FGD6: variants seen among roughly 807,000 people sequenced by gnomAD.
FGD6 encodes FYVE, RhoGEF and PH domain containing 6, also known as FYVE, RhoGEF and PH domain-containing protein 6.
FGD6 carries 90 observed loss-of-function variants against 149.4 expected under a neutral mutation model. The observed-to-expected ratio is 0.60, with a 90% CI of 0.51 to 0.72. The LOEUF is 0.72. Ranked by LOEUF, FGD6 falls within the 30% of genes least tolerant of loss-of-function variation. The pLI is 0.00. For missense variants in FGD6, 1,437 were observed against 1,684.8 expected (o/e 0.85, Z 2.57); for synonymous variants, 527 against 584.0 (o/e 0.90, Z 1.41).
At chr12:95,135,355 C>T (rs1193502287) in intron 7 of FGD6, among the ~76,000 whole-genome samples, 1 of 152,196 alleles carries the variant, frequency 6.6e-6, no homozygotes, top group East Asian at 1.9e-4. Context: ...TGCTAAGTAT[C>T]CCTTCTTTAA....
intron 9 of FGD6, among the ~76,000 whole-genome samples, chr12:95,110,794 A>G (rs1352580855): frequency 6.6e-6 from 1 of 152,082 alleles, no homozygotes; most frequent in Non-Finnish European, 1.5e-5. Context: ...TGGATGACAA[A>G]GCTGCTGCTG....
rs1877574482 is a variant in FGD6 at position 95,078,738 on chromosome 12, C to T, written c.*2782G>A. ...TCTTAGGACTCTGATGGGTCCTGTA[C>T]ATTTATAGCTGCCACAGATAAAGGT... is the stretch of plus-strand genomic sequence containing the variant. On this transcript the variant is annotated 3_prime_UTR_variant, in exon 21 of 21. Transcript: ENST00000343958. 6.6e-6 allele frequency: 1 copy of T among 152,196 alleles called. No individual in the cohort carries two copies. The allele number at this position is 152,196 out of a possible 1,614,324, so 9.4% of individuals were successfully genotyped here.
chr12:95,180,443 G>A (rs923862763), intron 2 of FGD6, among the ~76,000 whole-genome samples: 3 of 148,640 alleles, frequency 2.0e-5, no homozygotes, highest in Non-Finnish European at 4.4e-5. Context: ...ACCCAGGTTA[G>A]AGTGCAGTGG....
chr12:95,137,773 T>C, intron 6 of FGD6, 95 bp from the exon 7 acceptor site: 1 of 796,646 alleles, frequency 1.3e-6, no homozygotes, highest in Non-Finnish European at 1.8e-6. Flanking sequence ...CGCCAACTTA[T>C]CTTTTTTTCT....
chr12:95,128,965 C>G (rs1565903349), intron 8 of FGD6, among the ~76,000 whole-genome samples: 1 of 152,134 alleles, frequency 6.6e-6, no homozygotes, highest in Non-Finnish European at 1.5e-5. Context: ...TTCAACTTTT[C>G]TAATAAACAG....
rs1479079952 is a variant in FGD6 at position 95,149,847 on chromosome 12, T to C, written c.2685+2964A>G. On this transcript the variant is annotated intron_variant, in intron 5 of 20. Transcript: ENST00000343958. The stretch of plus-strand genomic sequence containing the variant: ...TATATATAATATATAGTACATATAC[T>C]ATATAAAATATGTATAATATATAAT... Among the ~76,000 whole-genome samples, 5 of 146,550 alleles carry C rather than the reference T, an allele frequency of 3.4e-5. 1 individual carries two copies. The Admixed American group carries it at 3.5e-4, about 10-fold the overall frequency.
chr12:95,101,301 C>T lies in FGD6; in HGVS notation c.3497+3706G>A, dbSNP rs551528950. ...GGTGGAGGTTGCAGTGAGCCAAGAT[C>T]GCGTCACTGCACTCCTGGGCAACAG... On this transcript the variant is annotated intron_variant, in intron 14 of 20. Coordinates refer to ENST00000343958, the MANE Select transcript of FGD6 (RefSeq NM_018351.4). Among the ~76,000 whole-genome samples, 25 of 152,098 alleles carry T rather than the reference C, an allele frequency of 1.6e-4. No individual in the cohort carries two copies. In the South Asian group the frequency reaches 3.5e-3, roughly 22 times the overall value.
chr12:95,191,232 A>T (rs930721594), intron 2 of FGD6, among the ~76,000 whole-genome samples: 7 of 152,232 alleles, frequency 4.6e-5, no homozygotes, highest in Non-Finnish European at 1.0e-4. Context: ...GACTGGTGGA[A>T]TGGAGTGCTT....
At chr12:95,092,675 G>A in intron 16 of FGD6, 24 bp downstream of exon 16, 1 of 1,612,480 alleles carries the variant, frequency 6.2e-7, no homozygotes, top group Non-Finnish European at 8.5e-7. Flanking sequence ...GACCACAATG[G>A]AGATGGGTGT....
intron 2 of FGD6, among the ~76,000 whole-genome samples, chr12:95,199,896 T>C (rs1881828328): frequency 6.6e-6 from 1 of 152,168 alleles, no homozygotes. Context: ...GCTACATTTC[T>C]ACACTGAAAT....
At chr12:95,156,185 G>A (rs1179652592) in intron 3 of FGD6, among the ~76,000 whole-genome samples, 1 of 152,164 alleles carries the variant, frequency 6.6e-6, no homozygotes, top group African/African-American at 2.4e-5. Context: ...CAATGTTCAG[G>A]GAACAAGAGA....
chr12:95,117,632 G>T (rs1412563453), intron 8 of FGD6, among the ~76,000 whole-genome samples: 1 of 152,148 alleles, frequency 6.6e-6, no homozygotes, highest in Non-Finnish European at 1.5e-5. Flanking sequence ...TCACTATGTT[G>T]CCCAGGCTGG....
In FGD6 at chr12:95,207,292, G is replaced by C. The variant is rs1457506855; in HGVS notation, c.2441+1551C>G. 4.6e-5 allele frequency among the ~76,000 whole-genome samples: 7 copies of C among 152,234 alleles called. No individual in the cohort carries two copies. The East Asian group carries it at 1.4e-3, about 29-fold the overall frequency. On this transcript the variant is annotated intron_variant, in intron 2 of 20. Coordinates refer to ENST00000343958, the MANE Select transcript of FGD6 (RefSeq NM_018351.4). ...CTTCCGCCATGATTGTAAGTTTCCT[G>C]AGGCCTCCCCAGCCATGCTGAACTG...
At chr12:95,142,619 C>T (rs1879885288) in intron 5 of FGD6, among the ~76,000 whole-genome samples, 1 of 152,190 alleles carries the variant, frequency 6.6e-6, no homozygotes, top group African/African-American at 2.4e-5. Context: ...CAAGCCTTTG[C>T]TCCTTATTTA....
intron 2 of FGD6, among the ~76,000 whole-genome samples, chr12:95,193,489 C>T (rs984404601): frequency 3.3e-5 from 5 of 151,188 alleles, no homozygotes; most frequent in Middle Eastern, 3.4e-3. Flanking sequence ...TCCTGAGTAG[C>T]TGGAATTACA....
At chr12:95,130,251 TA>T (rs1233821932) in intron 8 of FGD6, among the ~76,000 whole-genome samples, 1 of 152,186 alleles carries the variant, frequency 6.6e-6, no homozygotes, top group East Asian at 1.9e-4. Context: ...TGATCTTTTC[TA>T]AAAGGATTCC....
At chr12:95,193,570 C>T (rs1881654240) in intron 2 of FGD6, among the ~76,000 whole-genome samples, 1 of 151,202 alleles carries the variant, frequency 6.6e-6, no homozygotes, top group Non-Finnish European at 1.5e-5. Context: ...ACTCTGTTGC[C>T]CAGGCTGGAG....
chr12:95,207,260 G>C (rs766809023), intron 2 of FGD6, among the ~76,000 whole-genome samples: 1 of 152,150 alleles, frequency 6.6e-6, no homozygotes, highest in African/African-American at 2.4e-5. Context: ...GGATGTGTTT[G>C]CTTCCTCTTC....
rs753787826 is a variant in FGD6 at position 95,208,911 on chromosome 12, A to G, written c.2373T>C (p.Tyr791=). 4.3e-6 allele frequency: 7 copies of G among 1,613,942 alleles called. No homozygotes were observed. The African/African-American group carries it at 5.3e-5, about 12-fold the overall frequency. ...GAGCTTCATACGGCTCTTCTACCTC[A>G]TACACATTTGCATCAGCGTCCTCCA... is the stretch of plus-strand genomic sequence containing the variant. The part of the protein sequence containing the change: ...SSMEDADANV[Y]EVEEPYEAPD... The change falls in exon 2 of 21, where the codon TAT becomes TAC. Residue 791 remains tyrosine (Y), a synonymous_variant. Transcript: ENST00000343958.
Sources: gnomAD v4.1 joint callset for allele counts (sites outside exome capture counted in the v4.1 genomes callset) on GRCh38, gnomAD v4.1.1 for gene constraint, MANE v1.5 for transcripts, NCBI Gene and HGNC (gene_info 2026-07-23, HGNC 2026-07-21) for gene names.